Variants in SOHLH1 observed in about 807,000 individuals in gnomAD.
SOHLH1 encodes spermatogenesis- and oogenesis-specific basic helix-loop-helix-containing protein 1.
In SOHLH1, 23 loss-of-function variants were observed where a neutral mutation model predicts 36.2. That is an observed-to-expected ratio of 0.64 (90% CI 0.46 to 0.90). SOHLH1 has a LOEUF of 0.90. Ranked by LOEUF, SOHLH1 falls within the 40% of genes least tolerant of loss-of-function variation. The probability of loss-of-function intolerance (pLI) is 0.00; values close to 1 mark genes in which losing one functional copy is unlikely to be tolerated. For synonymous variants in SOHLH1, 289 were observed against 228.3 expected (o/e 1.27, Z -2.40); for missense variants, 608 against 517.0 (o/e 1.18, Z -1.71).
chr9:135,701,490 G>C (rs374506682), upstream of SOHLH1, among the ~76,000 whole-genome samples: 143 of 152,366 alleles, frequency 9.4e-4, 1 homozygote, highest in African/African-American at 3.4e-3. Context: ...GGTGACGCAT[G>C]TGTAACAGTG....
chr9:135,694,193 C>T, intron 7 of SOHLH1, 194 bp downstream of exon 7: 1 of 1,442,710 alleles, frequency 6.9e-7, no homozygotes, highest in Non-Finnish European at 9.1e-7. Flanking sequence ...CACGTTCACT[C>T]ACACACTCAC....
At chr9:135,697,887 C>G (rs1187279808) in intron 3 of SOHLH1, among the ~76,000 whole-genome samples, 1 of 152,152 alleles carries the variant, frequency 6.6e-6, no homozygotes, top group Non-Finnish European at 1.5e-5. Flanking sequence ...GATGACAACA[C>G]AGTTTCATTC....
rs759696241 is a variant in SOHLH1 at position 135,699,416 on chromosome 9, C to T, written c.52G>A (p.Val18Ile). The T allele has an allele frequency of 3.8e-5, 61 of 1,611,998 alleles. No individual in the cohort carries two copies. Among genetic ancestry groups the T allele is most frequent in the Admixed American group, 5.0e-5 (3 of 59,920 alleles). ...CCAATTCCTCACTTGCATCCCCTGA[C>T]GGTAGGGATTCTGGAGACCTCCGGG... ...PYPEVSRIPT[V>I]RGCNGSLSGA... The change falls in exon 1 of 8, where the codon GTC (valine) becomes ATC (isoleucine). Residue 18 changes from valine to isoleucine, a missense_variant. Coordinates refer to ENST00000425225, the MANE Select transcript of SOHLH1 (RefSeq NM_001101677.2).
intron 5 of SOHLH1, among the ~76,000 whole-genome samples, chr9:135,695,645 T>G (rs1834763431): frequency 6.6e-6 from 1 of 152,098 alleles, no homozygotes; most frequent in Admixed American, 6.5e-5. Flanking sequence ...AGTGCCCTGA[T>G]GACCCCAGCT....
intron 2 of SOHLH1, 73 bp downstream of exon 2, chr9:135,698,922 G>A (rs1174476728): frequency 6.2e-7 from 1 of 1,603,266 alleles, no homozygotes; most frequent in East Asian, 2.2e-5. Flanking sequence ...ACACCTGGTG[G>A]CAGCCCCGAA....
chr9:135,693,822 C>T lies in SOHLH1; in HGVS notation c.947-8G>A, dbSNP rs772945266. The T allele has an allele frequency of 1.9e-6, 3 of 1,552,312 alleles. No individual in the cohort carries two copies. Among genetic ancestry groups the T allele is most frequent in the Admixed American group, 3.8e-5 (2 of 53,234 alleles). On this transcript the variant is annotated splice_region_variant and splice_polypyrimidine_tract_variant and intron_variant, in intron 7 of 7. Transcript: ENST00000425225. ...CTCGACCCTCCAGAGACCCTGGAAG[C>T]AAACAGGACACATCGGCAGGGCAGG...
At position 135,699,448 on chromosome 9, in the gene SOHLH1, T is replaced by C; in HGVS notation, c.20A>G (p.Glu7Gly). The C allele has an allele frequency of 6.2e-7, 1 of 1,612,202 alleles. No individual in the cohort carries two copies. ...GATTCTGGAGACCTCCGGGTAGGGC[T>C]CGGAGCACCGGGACGCCATGAACTC... Reference protein sequence around the residue: MASRCSEPYPEVSRIPT... With the variant: MASRCSGPYPEVSRIPT... The change falls in exon 1 of 8, where the codon GAG becomes GGG. Residue 7 changes from glutamate to glycine, a missense_variant. Coordinates refer to ENST00000425225, the MANE Select transcript of SOHLH1 (RefSeq NM_001101677.2).
rs1834682934 is a variant in SOHLH1, at chr9:135,693,770, C to T, written c.991G>A (p.Ala331Thr). The change falls in exon 8 of 8, where the codon GCT becomes ACT. Residue 331 changes from alanine to threonine, a missense_variant. Transcript: ENST00000425225. ...CCAACATCCAGTGGACTGCTCTCAG[C>T]TGGGGCCCATGCAGGGCCACTGCCT... ...RGGSGPAWAP[A>T]ESSPLDVGEP... is the part of the protein sequence containing the mutation. The T allele has an allele frequency of 1.3e-6, 2 of 1,582,060 alleles. No homozygotes were observed. The highest frequency in any genetic ancestry group is 8.6e-7 in the Non-Finnish European group (1 of 1,164,922).
intron 7 of SOHLH1, chr9:135,694,166 T>C (rs766775766): frequency 1.4e-5 from 20 of 1,435,762 alleles, no homozygotes; most frequent in Non-Finnish European, 1.7e-5. Context: ...CCAGCTCTCA[T>C]GCAGGCTCGT....
At chr9:135,694,150 G>A in intron 7 of SOHLH1, 1 of 1,434,808 alleles carries the variant, frequency 7.0e-7, no homozygotes, top group South Asian at 1.5e-5. Flanking sequence ...AGGGCTCCAA[G>A]CACCGCCAGC....
chr9:135,696,545 G>C, intron 5 of SOHLH1, 67 bp downstream of exon 5: 2 of 1,572,760 alleles, frequency 1.3e-6, no homozygotes, highest in Non-Finnish European at 1.7e-6. Flanking sequence ...ATTGTTCTTA[G>C]GGCTAAAGCA....
Position 135,698,902 on chromosome 9 carries a change from C to A in SOHLH1, c.197+93G>T. The A allele has an allele frequency of 1.9e-6, 3 of 1,580,142 alleles. No homozygotes were observed. The South Asian group carries it at 3.3e-5, about 18-fold the overall frequency. On this transcript the variant is annotated intron_variant, in intron 2 of 7. Transcript: ENST00000425225. ...CTGGGCACAGGCCACGAGCCCCTCC[C>A]AGCTGCCTGACACCTGGTGGCAGCC...
At chr9:135,694,932 C>T (rs1407096734) in intron 6 of SOHLH1, 118 bp downstream of exon 6, 15 of 1,167,142 alleles carry the variant, frequency 1.3e-5, no homozygotes, top group Middle Eastern at 5.6e-4. Flanking sequence ...GAAGCAGAGA[C>T]GGAAGCTTCC....
At chr9:135,699,838 G>T (rs1318660), upstream of SOHLH1, among the ~76,000 whole-genome samples, 5,161 of 152,086 alleles carry the variant, frequency 0.034, 348 homozygotes, top group East Asian at 0.3. Context: ...TTGGAGATGC[G>T]GGCTCTGCCC....
At chr9:135,701,203 C>T (rs1157199164), upstream of SOHLH1, among the ~76,000 whole-genome samples, 1 of 152,206 alleles carries the variant, frequency 6.6e-6, no homozygotes, top group Non-Finnish European at 1.5e-5. Context: ...GACTTAGCAT[C>T]CTAGACTTCC....
At chr9:135,695,404 G>T (rs539454834) in intron 5 of SOHLH1, 141 bp from the exon 6 acceptor site, 9 of 734,646 alleles carry the variant, frequency 1.2e-5, no homozygotes, top group Non-Finnish European at 2.1e-5. Context: ...GCAGGGACAC[G>T]TGGGAGGAAG....
intron 7 of SOHLH1, 111 bp downstream of exon 7, chr9:135,694,276 A>T: frequency 2.5e-6 from 4 of 1,572,936 alleles, no homozygotes; most frequent in Admixed American, 3.6e-5. Flanking sequence ...ACGGGGGCTC[A>T]GACACAGACC....
In SOHLH1 at chr9:135,694,286, C is replaced by G. The variant is rs1834702697; in HGVS notation, c.946+101G>C. Reference sequence around the variant, plus strand: ...AGAAAACGGGGGCTCAGACACAGACCCTGGGGCCCCCTGACACACGCTAGG... The same window carrying G: ...AGAAAACGGGGGCTCAGACACAGACGCTGGGGCCCCCTGACACACGCTAGG... On this transcript the variant is annotated intron_variant, in intron 7 of 7. Coordinates refer to ENST00000425225, the MANE Select transcript of SOHLH1 (RefSeq NM_001101677.2). 3.1e-6 allele frequency: 5 copies of G among 1,587,442 alleles called. No individual in the cohort carries two copies. The South Asian group carries it at 4.5e-5, about 14-fold the overall frequency.
At position 135,699,061 on chromosome 9, in the gene SOHLH1, G is replaced by C. The variant is rs755544213; in HGVS notation, c.131C>G (p.Ala44Gly). The C allele has an allele frequency of 8.7e-6, 14 of 1,611,000 alleles. No individual in the cohort carries two copies. Among genetic ancestry groups the C allele is most frequent in the African/African-American group, 5.3e-5 (4 of 74,896 alleles). Residue 44 changes from alanine (A) to glycine (G), a missense_variant, in exon 2 of 8, where the codon GCC (alanine) becomes GGC (glycine). Transcript: ENST00000425225. ...GCTGGGACCCTCGGCCACCGTAGGGGCCTTGGGCGGGCCCGAGCCCCGGGC... is the reference window on the plus strand; with the variant it reads ...GCTGGGACCCTCGGCCACCGTAGGGCCCTTGGGCGGGCCCGAGCCCCGGGC... Reference protein sequence around the residue: ...DSARGSGPPKAPTVAEGPSSC... With the variant: ...DSARGSGPPKGPTVAEGPSSC...
Sources: allele counts gnomAD v4.1 joint callset (sites outside exome capture counted in the v4.1 genomes callset), GRCh38; gene constraint gnomAD v4.1.1; transcripts MANE v1.5; gene names NCBI Gene and HGNC (gene_info 2026-07-23, HGNC 2026-07-21).